Variants in TDRD12 observed in about 807,000 individuals in gnomAD.
The protein encoded by TDRD12 is tudor domain containing 12, also known as putative ATP-dependent RNA helicase TDRD12.
TDRD12 carries 158 observed loss-of-function variants against 133.5 expected under a neutral mutation model. The ratio of observed to expected loss-of-function variants is 1.18; its 90% CI spans 1.04 to 1.35. The LOEUF is 1.35. TDRD12 is among the 40% of genes most tolerant of loss of function. The probability of loss-of-function intolerance (pLI) is 0.00; values close to 1 mark genes in which losing one functional copy is unlikely to be tolerated. For synonymous variants in TDRD12, 460 were observed against 477.9 expected (o/e 0.96, Z 0.49); for missense variants, 1,443 against 1,321.3 (o/e 1.09, Z -1.43).
At chr19:32,800,872 G>A in intron 18 of TDRD12, 100 bp downstream of exon 18, 1 of 1,250,554 alleles carries the variant, frequency 8.0e-7, no homozygotes, top group Middle Eastern at 1.9e-4. Flanking sequence ...TGGCAGGGAA[G>A]TAAAGTTTTA....
At position 32,731,012 on chromosome 19, in the gene TDRD12, G is replaced by A. The variant is rs535630703; in HGVS notation, c.25-713G>A. On this transcript the variant is annotated intron_variant, in intron 1 of 27. Transcript: ENST00000444215. ...CCTGGGTGACACAGCGAGACCTTTT[G>A]GTATTTTCAATCCAAATTTAACTTT... 5.9e-4 allele frequency among the ~76,000 whole-genome samples: 90 copies of A among 151,982 alleles called. 1 individual carries two copies. The highest frequency in any genetic ancestry group is 1.9e-4 in the East Asian group (1 of 5,162).
intron 22 of TDRD12, among the ~76,000 whole-genome samples, chr19:32,809,569 G>C (rs1405917504): frequency 6.6e-6 from 1 of 152,114 alleles, no homozygotes; most frequent in Non-Finnish European, 1.5e-5. Flanking sequence ...CTCACACACA[G>C]GTCCCCCTGC....
chr19:32,741,099 T>C (rs1307595928), intron 3 of TDRD12, among the ~76,000 whole-genome samples: 2 of 152,216 alleles, frequency 1.3e-5, no homozygotes, highest in Non-Finnish European at 2.9e-5. Context: ...TTTTGTTTTT[T>C]TGAGACAGTG....
At chr19:32,786,340 C>G (rs865987728) in intron 11 of TDRD12, among the ~76,000 whole-genome samples, 1 of 152,202 alleles carries the variant, frequency 6.6e-6, no homozygotes, top group Non-Finnish European at 1.5e-5. Flanking sequence ...TGACCTTTCT[C>G]TCTGGGTGCC....
chr19:32,744,107 G>A (rs1969517973), intron 4 of TDRD12, among the ~76,000 whole-genome samples: 1 of 151,104 alleles, frequency 6.6e-6, no homozygotes, highest in Non-Finnish European at 1.5e-5. Flanking sequence ...TCTTTTTCGT[G>A]GGTGGATGTG....
chr19:32,749,158 C>A (rs1969746176), intron 5 of TDRD12, among the ~76,000 whole-genome samples: 2 of 152,048 alleles, frequency 1.3e-5, no homozygotes, highest in Admixed American at 1.3e-4. Flanking sequence ...GGAGCCAGAC[C>A]CTTTGACCTG....
intron 6 of TDRD12, among the ~76,000 whole-genome samples, chr19:32,754,669 C>CTTTTT (rs35714049): frequency 1.8e-3 from 129 of 70,016 alleles, no homozygotes; most frequent in Non-Finnish European, 2.3e-3. Flanking sequence ...ATGACTCTAT[C>CTTTTT]TTTTTTTTTT....
At chr19:32,821,399 TGTGTGTGTGTGC>T (rs1461224846), downstream of TDRD12, 6,173 of 192,110 alleles carry the variant, frequency 0.032, 126 homozygotes, top group African/African-American at 0.18. Flanking sequence ...TGTGTGTGTG[TGTGTGTGTGTGC>T]GTGTGAACCA....
intron 6 of TDRD12, among the ~76,000 whole-genome samples, chr19:32,752,855 C>T (rs1033247766): frequency 1.4e-4 from 21 of 147,808 alleles, no homozygotes; most frequent in Non-Finnish European, 2.2e-4. Context: ...TGCACTGGCG[C>T]GATCTCGGCT....
chr19:32,827,186 G>A (rs780939218), exon 10 of TDRD12: 83 of 1,231,490 alleles, frequency 6.7e-5, no homozygotes, highest in South Asian at 1.6e-4. Flanking sequence ...AAAACCTGCC[G>A]TACACAGTGA....
chr19:32,736,107 G>A (rs375631685), intron 2 of TDRD12, among the ~76,000 whole-genome samples: 1 of 152,182 alleles, frequency 6.6e-6, no homozygotes, highest in East Asian at 1.9e-4. Context: ...AAAGTCCTGT[G>A]ACCCTTAAAG....
At position 32,813,887 on chromosome 19, in the gene TDRD12, T is replaced by C. The variant is rs561665961; in HGVS notation, c.3141+111T>C. ...ACTGCTGCATAGAAACGGTGACTTA[T>C]TTGGGGATTTGTTAGGGAGAGGTGT... On this transcript the variant is annotated intron_variant, in intron 25 of 27. Coordinates refer to ENST00000444215, the Ensembl canonical transcript of TDRD12. 5 of 666,430 alleles carry C rather than the reference T, an allele frequency of 7.5e-6. No individual in the cohort carries two copies. In the African/African-American group the frequency reaches 9.1e-5, roughly 12 times the overall value. The allele number at this position is 666,430 out of a possible 1,614,324, so 41.3% of individuals were successfully genotyped here. A position where few individuals can be genotyped will look rare whatever the true frequency, so the allele number is the denominator to read the frequency against.
At chr19:32,780,112 C>T (rs1341852096) in intron 11 of TDRD12, among the ~76,000 whole-genome samples, 2 of 129,316 alleles carry the variant, frequency 1.5e-5, no homozygotes, top group African/African-American at 5.9e-5. Context: ...GAGACAGAGT[C>T]TCGCTCTGTA....
exon 10 of TDRD12, chr19:32,829,118 T>C (rs1000613927): frequency 7.2e-5 from 11 of 152,426 alleles, no homozygotes; most frequent in African/African-American, 2.6e-4. Flanking sequence ...TTTCTCTGCA[T>C]GTGGCTGCTG....
At chr19:32,780,707 A>G (rs1185105066) in intron 11 of TDRD12, among the ~76,000 whole-genome samples, 1 of 152,056 alleles carries the variant, frequency 6.6e-6, no homozygotes, top group Non-Finnish European at 1.5e-5. Context: ...GGAGCTCTGC[A>G]GTCACACAGC....
chr19:32,770,720 A>G (rs1482509642), intron 8 of TDRD12, among the ~76,000 whole-genome samples: 2 of 152,166 alleles, frequency 1.3e-5, no homozygotes, highest in African/African-American at 4.8e-5. Context: ...TGCTTTTCCT[A>G]ATCTGAAAAG....
intron 13 of TDRD12, 72 bp downstream of exon 13, chr19:32,791,140 A>T: frequency 6.9e-7 from 1 of 1,455,632 alleles, no homozygotes; most frequent in Non-Finnish European, 9.2e-7. Flanking sequence ...TTTGAAATAA[A>T]TGGCTCTAAG....
At chr19:32,728,735 T>A (rs1968939880) in intron 1 of TDRD12, among the ~76,000 whole-genome samples, 1 of 147,122 alleles carries the variant, frequency 6.8e-6, no homozygotes, top group Non-Finnish European at 1.5e-5. Context: ...AAGCTCCGCC[T>A]CCTGGGTTCA....
At chr19:32,775,494 CT>C (rs965202191) in intron 10 of TDRD12, among the ~76,000 whole-genome samples, 5 of 152,064 alleles carry the variant, frequency 3.3e-5, no homozygotes, top group African/African-American at 1.2e-4. Flanking sequence ...CCACAGCTGG[CT>C]AACATTTTAA....
Sources: allele counts gnomAD v4.1 joint callset (sites outside exome capture counted in the v4.1 genomes callset), GRCh38; gene constraint gnomAD v4.1.1; transcripts MANE v1.5; gene names NCBI Gene and HGNC (gene_info 2026-07-23, HGNC 2026-07-21).